Variants in CSMD1 observed in about 807,000 individuals in gnomAD.
The protein encoded by CSMD1 is CUB and sushi domain-containing protein 1.
Under a neutral mutation model 417.5 loss-of-function variants are expected in CSMD1, and 213 were observed. That is an observed-to-expected ratio of 0.51 (90% confidence interval 0.46 to 0.57). The LOEUF (loss-of-function observed/expected upper bound fraction) is 0.57. Ranked by LOEUF, CSMD1 falls within the 20% of genes least tolerant of loss-of-function variation. CSMD1 has a pLI of 0.00. For synonymous variants in CSMD1, 2,862 were observed against 1,736.8 expected (o/e 1.65, Z -16.11); for missense variants, 6,923 against 4,529.7 (o/e 1.53, Z -15.17).
intron 3 of CSMD1, among the ~76,000 whole-genome samples, chr8:4,270,149 G>A (rs1375727022): frequency 1.3e-5 from 2 of 152,214 alleles, no homozygotes; most frequent in Non-Finnish European, 2.9e-5. Flanking sequence ...CTGGAATGTG[G>A]ACGAGAGACT....
chr8:4,134,656 G>A (rs1256556426), intron 3 of CSMD1, among the ~76,000 whole-genome samples: 1 of 152,070 alleles, frequency 6.6e-6, no homozygotes, highest in Non-Finnish European at 1.5e-5. Context: ...AATATATCTA[G>A]AATCATTCAA....
intron 2 of CSMD1, among the ~76,000 whole-genome samples, chr8:4,551,251 C>T (rs931594826): frequency 6.6e-6 from 1 of 151,940 alleles, no homozygotes. Context: ...CAGAGGCAGG[C>T]TATCTTTTTA....
chr8:3,029,215 C>T (rs982892457), intron 51 of CSMD1, 104 bp downstream of exon 51: 2 of 846,436 alleles, frequency 2.4e-6, no homozygotes, highest in South Asian at 5.3e-5. Flanking sequence ...ATCTATAGGA[C>T]TATGGTAGAT....
chr8:3,964,369 ATTTG>A (rs1471901372), intron 5 of CSMD1, among the ~76,000 whole-genome samples: 10 of 152,094 alleles, frequency 6.6e-5, no homozygotes, highest in African/African-American at 2.4e-4. Context: ...CTTAATTCAC[ATTTG>A]TTTGTATCAA....
intron 3 of CSMD1, among the ~76,000 whole-genome samples, chr8:4,145,026 T>G (rs949366447): frequency 1.3e-5 from 2 of 151,200 alleles, no homozygotes; most frequent in Non-Finnish European, 2.9e-5. Flanking sequence ...AATTATCTTC[T>G]ACTTTTCCGC....
At chr8:4,371,887 C>T (rs1802417989) in intron 3 of CSMD1, among the ~76,000 whole-genome samples, 1 of 152,154 alleles carries the variant, frequency 6.6e-6, no homozygotes, top group African/African-American at 2.4e-5. Context: ...CTGTGGAGGC[C>T]ATGCAAGTTA....
chr8:3,961,594 A>G (rs779620578), intron 5 of CSMD1, among the ~76,000 whole-genome samples: 2 of 152,248 alleles, frequency 1.3e-5, no homozygotes, highest in Non-Finnish European at 2.9e-5. Context: ...CTTTGAGATC[A>G]TAATTTACTC....
At chr8:3,424,646 A>G (rs575201030) in intron 12 of CSMD1, among the ~76,000 whole-genome samples, 3 of 152,346 alleles carry the variant, frequency 2.0e-5, no homozygotes, top group Admixed American at 2.0e-4. Flanking sequence ...TCAAATAAAG[A>G]AAAAAATGTG....
intron 1 of CSMD1, among the ~76,000 whole-genome samples, chr8:4,928,160 C>T (rs1020625001): frequency 2.6e-5 from 4 of 152,138 alleles, no homozygotes; most frequent in Non-Finnish European, 5.9e-5. Flanking sequence ...CACACATAGA[C>T]TTTCCCGTTG....
rs115898337 is a variant in CSMD1, at chr8:4,178,168, G to A, written c.416-146069C>T. Among the ~76,000 whole-genome samples the A allele has an allele frequency of 1.4e-3, 213 of 152,288 alleles. 1 individual carries two copies. Among genetic ancestry groups the A allele is most frequent in the African/African-American group, 4.6e-3 (191 of 41,550 alleles). On this transcript the variant is annotated intron_variant, in intron 3 of 69. Coordinates refer to ENST00000635120, the MANE Select transcript of CSMD1 (RefSeq NM_033225.6). ...ACCAATATCCTTGATGCAGATTGAT[G>A]CAGAAACCCTCAATACGATACTGGC... is the stretch of plus-strand genomic sequence containing the variant.
At chr8:3,033,241 C>T (rs10098487) in intron 50 of CSMD1, among the ~76,000 whole-genome samples, 5,187 of 152,098 alleles carry the variant, frequency 0.034, 308 homozygotes, top group African/African-American at 0.12. Flanking sequence ...GATTTAGATG[C>T]AAATTTCCTA....
chr8:3,766,078 G>T (rs1429149462), intron 5 of CSMD1, among the ~76,000 whole-genome samples: 1 of 152,172 alleles, frequency 6.6e-6, no homozygotes, highest in East Asian at 1.9e-4. Flanking sequence ...ACTCAAGCCT[G>T]GGAAATGGCT....
At chr8:4,548,464 T>C (rs983265099) in intron 2 of CSMD1, among the ~76,000 whole-genome samples, 13 of 152,286 alleles carry the variant, frequency 8.5e-5, no homozygotes, top group South Asian at 4.1e-4. Context: ...ATCAATGTAA[T>C]TGCATTCATA....
intron 5 of CSMD1, among the ~76,000 whole-genome samples, chr8:3,846,876 T>C (rs951831119): frequency 8.5e-5 from 13 of 152,160 alleles, no homozygotes; most frequent in African/African-American, 3.1e-4. Flanking sequence ...GGTTTCATCA[T>C]GTTGGCCAAG....
chr8:3,955,200 C>T (rs1389814356), intron 5 of CSMD1, among the ~76,000 whole-genome samples: 1 of 152,186 alleles, frequency 6.6e-6, no homozygotes, highest in Admixed American at 6.5e-5. Flanking sequence ...ACGTGCAGAG[C>T]ACCTTGAATG....
intron 21 of CSMD1, among the ~76,000 whole-genome samples, chr8:3,353,493 G>C (rs1029130884): frequency 1.3e-5 from 2 of 152,136 alleles, no homozygotes; most frequent in Non-Finnish European, 2.9e-5. Context: ...GATACAACAT[G>C]ATATTCAAAT....
chr8:4,666,543 T>A (rs1180266247), intron 1 of CSMD1, among the ~76,000 whole-genome samples: 2 of 152,230 alleles, frequency 1.3e-5, no homozygotes, highest in Non-Finnish European at 2.9e-5. Context: ...CTTTGATTTT[T>A]GACCAATTTT....
At chr8:4,497,544 G>A (rs1802039260) in intron 2 of CSMD1, among the ~76,000 whole-genome samples, 1 of 152,186 alleles carries the variant, frequency 6.6e-6, no homozygotes, top group Non-Finnish European at 1.5e-5. Context: ...TAGCTCCACT[G>A]AGGAGCAGGG....
chr8:4,829,450 T>G (rs765723809), intron 1 of CSMD1, among the ~76,000 whole-genome samples: 2 of 152,038 alleles, frequency 1.3e-5, no homozygotes, highest in Non-Finnish European at 2.9e-5. Context: ...CAGTAGAAAT[T>G]AACATTTAAG....
Sources: allele counts gnomAD v4.1 joint callset (sites outside exome capture counted in the v4.1 genomes callset), GRCh38; gene constraint gnomAD v4.1.1; transcripts MANE v1.5; gene names NCBI Gene and HGNC (gene_info 2026-07-23, HGNC 2026-07-21).